Variants in CDH11 observed in about 807,000 individuals in gnomAD.
CDH11 encodes cadherin 11, also known as cadherin-11.
A neutral mutation model predicts 67.8 loss-of-function variants in CDH11; 11 were observed. That is an observed-to-expected ratio of 0.16 (90% CI 0.10 to 0.27). The LOEUF is 0.27. Ranked by LOEUF, CDH11 falls within the 10% of genes least tolerant of loss-of-function variation. The pLI is 1.00. For missense variants in CDH11, 847 were observed against 1,031.2 expected, an observed-to-expected ratio of 0.82 and a Z score of 2.45; for synonymous variants, 419 against 400.0, an observed-to-expected ratio of 1.05 and a Z score of -0.57.
chr16:64,999,637 G>C (rs1463494203), intron 3 of CDH11, among the ~76,000 whole-genome samples: 1 of 151,938 alleles, frequency 6.6e-6, no homozygotes, highest in African/African-American at 2.4e-5. Flanking sequence ...ATGTTCAAGC[G>C]ATTTCTCCTA....
In CDH11 at chr16:64,982,155, C is replaced by A. The variant is rs1227122026; in HGVS notation, c.1146G>T (p.Met382Ile). 6 of 1,614,102 alleles carry A rather than the reference C, an allele frequency of 3.7e-6. No homozygotes were observed. The highest frequency in any genetic ancestry group is 5.1e-6 in the Non-Finnish European group (6 of 1,179,980). Residue 382 changes from methionine to isoleucine, a missense_variant, in exon 8 of 13, where the codon ATG becomes ATT. Physicochemically the swap from Met to Ile is conservative, Grantham distance 10 (BLOSUM62 1). Around this residue, in one of 2 missense-constraint regions of CDH11, gnomAD observed 612 missense variants for 678.7 expected, o/e 0.90. Transcript: ENST00000268603. ...CGTGGATGTAACTTGGGGCCAAGAACATAGGGGGCTCATCAGCATCTTCTA... is the reference window on the plus strand; with the variant it reads ...CGTGGATGTAACTTGGGGCCAAGAAAATAGGGGGCTCATCAGCATCTTCTA... The part of the protein sequence containing the change: ...ISVEDADEPP[M>I]FLAPSYIHEV...
In CDH11 at chr16:64,945,737, G is replaced by A; in HGVS notation, c.*1866C>T. Reference sequence around the variant, plus strand: ...TTTCAATGCAAAGTAAAATGGAAGTGAGCACTTCATAAAAAACATTTCTTT... The same window carrying A: ...TTTCAATGCAAAGTAAAATGGAAGTAAGCACTTCATAAAAAACATTTCTTT... On this transcript the variant is annotated 3_prime_UTR_variant, in exon 13 of 13. Coordinates refer to ENST00000268603, the MANE Select transcript of CDH11 (RefSeq NM_001797.4). 1 of 1,042,950 alleles carries A rather than the reference G, an allele frequency of 9.6e-7. No individual in the cohort carries two copies. Among genetic ancestry groups the A allele is most frequent in the Non-Finnish European group, 1.2e-6 (1 of 865,156 alleles). 64.6% of individuals were successfully genotyped at this position (1,042,950 alleles called of 1,614,324 possible).
chr16:64,968,050 A>G (rs2071891061), intron 11 of CDH11, among the ~76,000 whole-genome samples: 2 of 152,204 alleles, frequency 1.3e-5, no homozygotes, highest in Admixed American at 6.5e-5. Context: ...GACTTTTGAA[A>G]TGAATTAACT....
chr16:65,010,788 G>C (rs2073159818), intron 2 of CDH11, among the ~76,000 whole-genome samples: 3 of 151,850 alleles, frequency 2.0e-5, no homozygotes, highest in Admixed American at 2.0e-4. Context: ...CTATGTGTCA[G>C]GTTCAAATCC....
chr16:65,104,474 G>C lies in CDH11; in HGVS notation c.-298+17406C>G, dbSNP rs541587187. On this transcript the variant is annotated intron_variant, in intron 1 of 12. Coordinates refer to ENST00000268603, the MANE Select transcript of CDH11 (RefSeq NM_001797.4). ...CAAGGTGATAGCTAGCATTTATTAA[G>C]TCCCATTATGCACTTGGCTTTTTGT... 2.0e-5 allele frequency among the ~76,000 whole-genome samples: 3 copies of C among 152,232 alleles called. No individual in the cohort carries two copies. The East Asian group carries it at 5.8e-4, about 29-fold the overall frequency.
At position 65,079,522 on chromosome 16, in the gene CDH11, C is replaced by T. The variant is rs1214630306; in HGVS notation, c.-297-25594G>A. Among the ~76,000 whole-genome samples, 4 of 152,144 alleles carry T rather than the reference C, an allele frequency of 2.6e-5. No homozygotes were observed. The East Asian group carries it at 7.7e-4, about 29-fold the overall frequency. ...GTGTGTGTGTGTGTTTGTGTGTGTG[C>T]GTGTTCCAATCAGCATTCTGCTGTG... is the stretch of plus-strand genomic sequence containing the variant. On this transcript the variant is annotated intron_variant, in intron 1 of 12. Coordinates refer to ENST00000268603, the MANE Select transcript of CDH11 (RefSeq NM_001797.4).
At chr16:65,043,720 T>C (rs2073906349) in intron 2 of CDH11, among the ~76,000 whole-genome samples, 1 of 152,186 alleles carries the variant, frequency 6.6e-6, no homozygotes. Flanking sequence ...TGTTGGGATT[T>C]CCTGTTTCTT....
intron 1 of CDH11, among the ~76,000 whole-genome samples, chr16:65,084,498 A>T (rs1476750893): frequency 1.1e-5 from 1 of 89,662 alleles, no homozygotes; most frequent in South Asian, 3.3e-4. Flanking sequence ...TCTAAAGATT[A>T]AAAAAAAATG....
chr16:65,073,381 T>A (rs1400490341), intron 1 of CDH11, among the ~76,000 whole-genome samples: 1 of 152,186 alleles, frequency 6.6e-6, no homozygotes, highest in Non-Finnish European at 1.5e-5. Flanking sequence ...TGCCTCTGCA[T>A]GTGATTCTCA....
chr16:64,966,847 G>A (rs1252761509), intron 11 of CDH11, among the ~76,000 whole-genome samples: 3 of 152,136 alleles, frequency 2.0e-5, no homozygotes, highest in African/African-American at 7.2e-5. Flanking sequence ...AGTAGGTATG[G>A]TAGGTCAAAG....
rs2071233674 is a variant in CDH11 at position 64,947,794 on chromosome 16, C to A, written c.2200G>T (p.Ala734Ser). The A allele has an allele frequency of 6.8e-6, 11 of 1,614,148 alleles. No homozygotes were observed. The highest frequency in any genetic ancestry group is 9.3e-6 in the Non-Finnish European group (11 of 1,180,014). The change falls in exon 13 of 13, where the codon GCT (alanine) becomes TCT (serine). Residue 734 changes from alanine to serine, a missense_variant. Around this residue, in one of 2 missense-constraint regions of CDH11, gnomAD observed 612 missense variants for 678.7 expected, o/e 0.90. Coordinates refer to ENST00000268603, the MANE Select transcript of CDH11 (RefSeq NM_001797.4). ...RIQEADNDPT[A>S]PPYDSIQIYG... ...ATTTGAATGGAGTCATAAGGAGGAG[C>A]CGTGGGGTCATTGTCTGCCTCCTGT...
chr16:64,975,237 T>G (rs908977663), intron 8 of CDH11, among the ~76,000 whole-genome samples: 1 of 152,224 alleles, frequency 6.6e-6, no homozygotes, highest in Admixed American at 6.5e-5. Flanking sequence ...TTGTTGTTGA[T>G]GCTGCTGTTA....
At chr16:65,106,245 A>T (rs1223321141) in intron 1 of CDH11, among the ~76,000 whole-genome samples, 1 of 152,202 alleles carries the variant, frequency 6.6e-6, no homozygotes. Context: ...AGGAAACTTG[A>T]GTCCACACAA....
chr16:64,974,605 A>T (rs1652080560), intron 8 of CDH11, among the ~76,000 whole-genome samples: 1 of 152,160 alleles, frequency 6.6e-6, no homozygotes, highest in African/African-American at 2.4e-5. Flanking sequence ...TTAACTTCAC[A>T]GCTCCCCATA....
intron 11 of CDH11, chr16:64,968,503 C>G (rs556702646): frequency 2.2e-5 from 22 of 985,316 alleles, no homozygotes; most frequent in Non-Finnish European, 2.5e-5. Context: ...CCAAGATGGA[C>G]TTAAATGTTG....
chr16:65,115,314 G>A (rs541565786), intron 1 of CDH11, among the ~76,000 whole-genome samples: 56 of 152,142 alleles, frequency 3.7e-4, no homozygotes, highest in African/African-American at 1.3e-3. Flanking sequence ...TTAAATTTAC[G>A]AAATCATTCA....
chr16:64,955,804 A>G (rs1391196509), intron 11 of CDH11, among the ~76,000 whole-genome samples: 1 of 152,182 alleles, frequency 6.6e-6, no homozygotes, highest in African/African-American at 2.4e-5. Context: ...ACAAATCTGG[A>G]CACACAAATA....
In CDH11 at chr16:65,096,443, GTATA is replaced by G. The variant is rs60633017; in HGVS notation, c.-298+25433_-298+25436del. 2.8e-3 allele frequency among the ~76,000 whole-genome samples: 394 copies of G among 138,444 alleles called. 1 individual carries two copies. The highest frequency in any genetic ancestry group is 9.2e-3 in the African/African-American group (329 of 35,758). The allele number at this position is 138,444 out of a possible 152,430, so 90.8% of individuals were successfully genotyped here. On this transcript the variant is annotated intron_variant, in intron 1 of 12. Transcript: ENST00000268603. ...TGTGTGTGTGTGTGTGTGTGTGTGT[GTATA>G]TATATGTTTATATATGTGTGTATAT... is the stretch of plus-strand genomic sequence containing the variant.
At chr16:65,027,114 T>A (rs1224780021) in intron 2 of CDH11, among the ~76,000 whole-genome samples, 1 of 152,164 alleles carries the variant, frequency 6.6e-6, no homozygotes, top group Non-Finnish European at 1.5e-5. Context: ...CATTCCCTGA[T>A]AGAAAGAGCA....
Sources: gnomAD v4.1 joint callset for allele counts (sites outside exome capture counted in the v4.1 genomes callset) on GRCh38, gnomAD v4.1.1 for gene constraint, gnomAD v4.1.1 regional missense constraint, MANE v1.5 for transcripts, NCBI Gene and HGNC (gene_info 2026-07-23, HGNC 2026-07-21) for gene names.